The following TASOR2 variants were observed in gnomAD, a reference collection of about 807,000 sequenced individuals.
TASOR2 encodes the protein protein TASOR 2.
In TASOR2, 84 loss-of-function variants were observed where a neutral mutation model predicts 199.5. That is an observed-to-expected ratio of 0.42 (90% CI 0.35 to 0.50). TASOR2 has a LOEUF of 0.50. Ranked by LOEUF, TASOR2 falls within the 20% of genes least tolerant of loss-of-function variation. TASOR2 has a pLI of 0.02. For missense variants in TASOR2, 2,796 were observed against 2,835.9 expected (o/e 0.99, Z 0.32); for synonymous variants, 1,103 against 1,046.6 (o/e 1.05, Z -1.04).
intron 1 of TASOR2, among the ~76,000 whole-genome samples, chr10:5,686,420 C>T (rs1835823337): frequency 1.3e-5 from 2 of 152,244 alleles, no homozygotes; most frequent in South Asian, 4.1e-4. Context: ...ATGTATTTAT[C>T]AAGTGAATTT....
exon 15 of TASOR2, chr10:5,747,660 G>C: frequency 1.2e-6 from 2 of 1,614,148 alleles, no homozygotes; most frequent in Non-Finnish European, 1.7e-6. Flanking sequence ...CAGTTAAAGA[G>C]ACACGACCAT....
In TASOR2 at chr10:5,738,853, C is replaced by G. The variant is rs1335367613; in HGVS notation, c.1448-765C>G. 6.6e-6 allele frequency among the ~76,000 whole-genome samples: 1 copy of G among 152,116 alleles called. No homozygotes were observed. Among genetic ancestry groups the G allele is most frequent in the Non-Finnish European group, 1.5e-5 (1 of 68,034 alleles). On this transcript the variant is annotated intron_variant, in intron 12 of 20. Transcript: ENST00000328090. The surrounding 1 kb of genome is among the most constrained non-coding windows in gnomAD (Gnocchi z 4.7). Reference sequence around the variant, plus strand: ...AATACGTTGAAAATACCAAGGGAAACCACTGGCAAATGTAAATGTTCTGAT... The same window carrying G: ...AATACGTTGAAAATACCAAGGGAAAGCACTGGCAAATGTAAATGTTCTGAT...
rs770613261 is a variant in TASOR2 at position 5,762,512 on chromosome 10, T to TTTTG, written c.7175-17_7175-16insGTTT. The TTTTG allele has an allele frequency of 8.7e-5, 36 of 411,482 alleles. 2 individuals are homozygous for TTTTG. The South Asian group carries it at 1.8e-3, about 20-fold the overall frequency. The allele number at this position is 411,482 out of a possible 1,614,324, so 25.5% of individuals were successfully genotyped here. A position where few individuals can be genotyped will look rare whatever the true frequency, so the allele number is the denominator to read the frequency against. On this transcript the variant is annotated intron_variant, in intron 19 of 20. Transcript: ENST00000328090. ...CATTAATTATATTAACCAAAAGTTG[T>TTTTG]TTTTTTTTTTTTTTAACAGACAAGC...
chr10:5,717,197 A>T (rs866226632), intron 2 of TASOR2, among the ~76,000 whole-genome samples: 1 of 152,168 alleles, frequency 6.6e-6, no homozygotes, highest in African/African-American at 2.4e-5. Context: ...TAAAATTAAC[A>T]CTACTACTTG....
exon 15 of TASOR2, chr10:5,747,044 C>T: frequency 6.2e-7 from 1 of 1,614,164 alleles, no homozygotes; most frequent in Non-Finnish European, 8.5e-7. Flanking sequence ...GAAGTGGACT[C>T]ATCATCAGCC....
chr10:5,692,406 G>T (rs909844269), intron 1 of TASOR2, among the ~76,000 whole-genome samples: 1 of 152,104 alleles, frequency 6.6e-6, no homozygotes. Context: ...GGAAATTGGA[G>T]CTTGGAGTGA....
exon 3 of TASOR2, chr10:5,717,718 T>A (rs1009067862): frequency 1.6e-6 from 2 of 1,223,200 alleles, no homozygotes; most frequent in African/African-American, 3.1e-5. Flanking sequence ...TCATGGGAAA[T>A]CTGGTTATGT....
At position 5,689,920 on chromosome 10, in the gene TASOR2, T is replaced by C. The variant is rs1299788461; in HGVS notation, c.-288+4745T>C. Among the ~76,000 whole-genome samples the C allele has an allele frequency of 6.6e-6, 1 of 152,144 alleles. No individual in the cohort carries two copies. The highest frequency in any genetic ancestry group is 6.5e-5 in the Admixed American group (1 of 15,278). ...GGAACTAGTCTTTTGGAAGAGGGGG[T>C]AGAGTTTTTGACTACTCTTTTCATT... On this transcript the variant is annotated intron_variant, in intron 1 of 20. Coordinates refer to ENST00000328090, the Ensembl canonical transcript of TASOR2. This position sits in a 1 kb window ranked among gnomAD's most constrained non-coding sequence, Gnocchi z 4.1.
rs1027100956 is a variant in TASOR2 at position 5,718,667 on chromosome 10, G to C, written c.-100+917G>C. Among the ~76,000 whole-genome samples, 3 of 151,802 alleles carry C rather than the reference G, an allele frequency of 2.0e-5. No homozygotes were observed. The South Asian group carries it at 6.2e-4, about 32-fold the overall frequency. On this transcript the variant is annotated intron_variant, in intron 3 of 20. Transcript: ENST00000328090. ...CCAGCTACTTGGGAGGCTGAGGCAG[G>C]AGAATCACTTGAACCTGGAAGGCGG... is the stretch of plus-strand genomic sequence containing the variant.
At chr10:5,736,680 G>T (rs1176234010) in intron 12 of TASOR2, among the ~76,000 whole-genome samples, 1 of 152,192 alleles carries the variant, frequency 6.6e-6, no homozygotes, top group Admixed American at 6.5e-5. Context: ...TCAACTGCTA[G>T]ATATAACCTC....
In TASOR2 at chr10:5,698,577, G is replaced by T. The variant is rs1837430002; in HGVS notation, c.-288+13402G>T. ...CTATTTTTGTAAATAAAGTTATATG[G>T]GGACATGGTCATTCCTATTTATGCA... On this transcript the variant is annotated intron_variant, in intron 1 of 20. Transcript: ENST00000328090. The surrounding 1 kb of genome is among the most constrained non-coding windows in gnomAD (Gnocchi z 4.4). Among the ~76,000 whole-genome samples, 1 of 152,046 alleles carries T rather than the reference G, an allele frequency of 6.6e-6. No individual in the cohort carries two copies. Among genetic ancestry groups the T allele is most frequent in the South Asian group, 2.1e-4 (1 of 4,828 alleles).
intron 10 of TASOR2, among the ~76,000 whole-genome samples, chr10:5,728,299 T>C (rs988348990): frequency 6.6e-6 from 1 of 151,740 alleles, no homozygotes; most frequent in Admixed American, 6.6e-5. Context: ...ATAGTATTTA[T>C]AAAGCTATAA....
chr10:5,748,907 A>T lies in TASOR2; in HGVS notation c.5486A>T (p.Asp1829Val). The change falls in exon 15 of 21, where the codon GAT becomes GTT. Residue 1829 changes from aspartate to valine, a missense_variant. Coordinates refer to ENST00000328090, the Ensembl canonical transcript of TASOR2. The surrounding 1 kb of genome is among the most constrained non-coding windows in gnomAD (Gnocchi z 5.1). ...GACATGCACTATGAACTCTCTGGAG[A>T]TTCTGATCTAGACCTGCTTGGTGAT... 2 of 1,614,112 alleles carry T rather than the reference A, an allele frequency of 1.2e-6. No individual in the cohort carries two copies. Among genetic ancestry groups the T allele is most frequent in the Admixed American group, 3.3e-5 (2 of 60,008 alleles).
chr10:5,735,909 G>A (rs1282634035), intron 12 of TASOR2, among the ~76,000 whole-genome samples: 1 of 152,094 alleles, frequency 6.6e-6, no homozygotes, highest in South Asian at 2.1e-4. Flanking sequence ...AAGATTATAA[G>A]TTTATCTAAA....
chr10:5,723,801 C>T, intron 7 of TASOR2, 24 bp downstream of exon 8: 1 of 1,481,364 alleles, frequency 6.8e-7, no homozygotes, highest in Non-Finnish European at 9.3e-7. Context: ...TAATAACACG[C>T]TACTTGTCCT....
exon 15 of TASOR2, chr10:5,747,316 C>T (rs1335440471): frequency 6.2e-7 from 1 of 1,614,046 alleles, no homozygotes; most frequent in African/African-American, 1.3e-5. Context: ...AGAAGAAATG[C>T]CAGCTGGTGA....
At chr10:5,692,739 C>G (rs1321187839) in intron 1 of TASOR2, 1 of 151,842 alleles carries the variant, frequency 6.6e-6, no homozygotes, top group Non-Finnish European at 1.5e-5. Flanking sequence ...GGGCTCCGCT[C>G]GCGGAGCCGG....
exon 15 of TASOR2, chr10:5,749,780 A>G: frequency 6.2e-7 from 1 of 1,614,208 alleles, no homozygotes; most frequent in Non-Finnish European, 8.5e-7. Flanking sequence ...GAATTCAACA[A>G]GGTGATGAAG....
At chr10:5,714,477 C>A in intron 2 of TASOR2, 1 of 270,800 alleles carries the variant, frequency 3.7e-6, no homozygotes, top group Non-Finnish European at 6.8e-6. Context: ...TAGAGCTGAC[C>A]GAACTTGGCA....
Sources: gnomAD v4.1 joint callset for allele counts (sites outside exome capture counted in the v4.1 genomes callset) on GRCh38, gnomAD v4.1.1 for gene constraint, Gnocchi (gnomAD v3.1) non-coding constraint, MANE v1.5 for transcripts, NCBI Gene and HGNC (gene_info 2026-07-23, HGNC 2026-07-21) for gene names.